C12orf42: variants seen among roughly 807,000 people sequenced by gnomAD.
C12orf42 encodes the protein uncharacterized protein C12orf42.
C12orf42 carries 25 observed loss-of-function variants against 21.6 expected under a neutral mutation model. The observed-to-expected ratio is 1.16, with a 90% confidence interval of 0.84 to 1.62. C12orf42 has a LOEUF of 1.62. C12orf42 is among the 40% of genes most tolerant of loss of function. The pLI is 0.00. For synonymous variants in C12orf42, 174 were observed against 175.0 expected, an observed-to-expected ratio of 0.99 and a Z score of 0.05; for missense variants, 483 against 459.3, an observed-to-expected ratio of 1.05 and a Z score of -0.47.
At chr12:103,297,149 T>G (rs1430464350), downstream of C12orf42, among the ~76,000 whole-genome samples, 1 of 152,202 alleles carries the variant, frequency 6.6e-6, no homozygotes, top group East Asian at 1.9e-4. Context: ...TTGTCAGGTT[T>G]GTCAAAGATC....
intron 5 of C12orf42, 109 bp from the exon 6 acceptor site, chr12:103,302,668 T>A: frequency 9.3e-6 from 7 of 756,708 alleles, no homozygotes; most frequent in African/African-American, 2.1e-5. Context: ...TGTAATGTGC[T>A]CAGAGGGGAA....
intron 2 of C12orf42, among the ~76,000 whole-genome samples, chr12:103,405,655 A>G (rs550053679): frequency 1.1e-4 from 16 of 152,316 alleles, no homozygotes; most frequent in African/African-American, 3.8e-4. Flanking sequence ...GGCTTTGTGG[A>G]AACATTTGCA....
chr12:103,277,780 C>A (rs553908441), intron 4 of C12orf42, among the ~76,000 whole-genome samples: 5 of 151,980 alleles, frequency 3.3e-5, no homozygotes, highest in Admixed American at 6.6e-5. Flanking sequence ...CCAAAACGCC[C>A]GGCTAATTTT....
intron 2 of C12orf42, among the ~76,000 whole-genome samples, chr12:103,430,272 CACAA>C (rs1464035051): frequency 6.6e-6 from 1 of 151,890 alleles, no homozygotes; most frequent in East Asian, 1.9e-4. Flanking sequence ...ACAAGAAAAA[CACAA>C]ACAACTCCAT....
chr12:103,125,352 A>G, the C12orf42 span, among the ~76,000 whole-genome samples: 2 of 152,312 alleles, frequency 1.3e-5, no homozygotes, highest in African/African-American at 4.8e-5. Flanking sequence ...AAAATTATCT[A>G]TGACCTCAGT....
chr12:103,050,219 GGTGTGTGTGTGTGTGT>G, the C12orf42 span, among the ~76,000 whole-genome samples: 9 of 148,650 alleles, frequency 6.1e-5, no homozygotes, highest in African/African-American at 2.0e-4. Flanking sequence ...TTTTCTCACA[GGTGTGTGTGTGTGTGT>G]GTGTGTGTGT....
chr12:103,146,995 A>G, the C12orf42 span, among the ~76,000 whole-genome samples: 5 of 152,188 alleles, frequency 3.3e-5, no homozygotes, highest in Admixed American at 1.3e-4. Flanking sequence ...AGAACTCAGT[A>G]GATAAAGCAG....
chr12:103,449,666 G>T (rs1951813674), intron 2 of C12orf42, among the ~76,000 whole-genome samples: 1 of 150,650 alleles, frequency 6.6e-6, no homozygotes, highest in Non-Finnish European at 1.5e-5. Flanking sequence ...TGTTTTAATT[G>T]CTACCTATTT....
At chr12:103,162,296 G>A in the C12orf42 span, among the ~76,000 whole-genome samples, 1 of 152,134 alleles carries the variant, frequency 6.6e-6, no homozygotes, top group East Asian at 1.9e-4. Flanking sequence ...CCCCACTCCT[G>A]TCAATCTCTA....
At chr12:103,191,028 A>T in the C12orf42 span, among the ~76,000 whole-genome samples, 2 of 152,200 alleles carry the variant, frequency 1.3e-5, no homozygotes, top group South Asian at 2.1e-4. Context: ...GAATTTTTAC[A>T]TATACTGGAG....
chr12:103,226,946 A>G, the C12orf42 span, among the ~76,000 whole-genome samples: 1 of 152,184 alleles, frequency 6.6e-6, no homozygotes, highest in East Asian at 1.9e-4. Flanking sequence ...ATTTTACAAC[A>G]AGAATTATTT....
At chr12:103,085,618 T>C in the C12orf42 span, among the ~76,000 whole-genome samples, 1 of 152,124 alleles carries the variant, frequency 6.6e-6, no homozygotes, top group East Asian at 1.9e-4. Context: ...AAAAGGAGTG[T>C]AATGAAGAAT....
chr12:103,402,650 G>C (rs1311272926), intron 2 of C12orf42, among the ~76,000 whole-genome samples: 1 of 152,166 alleles, frequency 6.6e-6, no homozygotes, highest in Non-Finnish European at 1.5e-5. Context: ...ATAAAGTTAA[G>C]ATTCCAATAA....
chr12:103,153,029 A>G, the C12orf42 span, among the ~76,000 whole-genome samples: 1 of 152,178 alleles, frequency 6.6e-6, no homozygotes. Flanking sequence ...CAAAAAGTCC[A>G]AAAAGAGCAA....
At chr12:103,115,886 A>G in the C12orf42 span, among the ~76,000 whole-genome samples, 1 of 152,238 alleles carries the variant, frequency 6.6e-6, no homozygotes, top group Admixed American at 6.5e-5. Flanking sequence ...ACAGTAGCAC[A>G]TGAGCATGAG....
intron 2 of C12orf42, among the ~76,000 whole-genome samples, chr12:103,474,367 G>A (rs1442763885): frequency 2.0e-5 from 3 of 152,048 alleles, no homozygotes; most frequent in East Asian, 1.9e-4. Flanking sequence ...AGATCAGAAA[G>A]AGAGTCTGGC....
chr12:103,098,853 A>G, the C12orf42 span, among the ~76,000 whole-genome samples: 5 of 152,228 alleles, frequency 3.3e-5, no homozygotes, highest in Non-Finnish European at 5.9e-5. Context: ...GCTATCCTAC[A>G]TATTCATGGA....
chr12:103,210,101 T>C, the C12orf42 span, among the ~76,000 whole-genome samples: 1 of 152,140 alleles, frequency 6.6e-6, no homozygotes, highest in Non-Finnish European at 1.5e-5. Flanking sequence ...AGACATTTTC[T>C]ATTGTGTTTC....
chr12:103,383,368 T>C (rs938340789), intron 3 of C12orf42, among the ~76,000 whole-genome samples: 1 of 152,214 alleles, frequency 6.6e-6, no homozygotes, highest in African/African-American at 2.4e-5. Flanking sequence ...CCTCCCAAAG[T>C]GCTGGGATTA....
Sources: gnomAD v4.1 joint callset for allele counts (sites outside exome capture counted in the v4.1 genomes callset) on GRCh38, gnomAD v4.1.1 for gene constraint, MANE v1.5 for transcripts, NCBI Gene and HGNC (gene_info 2026-07-23, HGNC 2026-07-21) for gene names.